Variants in LRRTM4 observed in about 807,000 individuals in gnomAD.
LRRTM4 encodes leucine-rich repeat transmembrane neuronal protein 4.
Under a neutral mutation model 47.6 loss-of-function variants are expected in LRRTM4, and 25 were observed. That is an observed-to-expected ratio of 0.53 (90% confidence interval 0.38 to 0.73). The LOEUF is 0.73. Among genes scored for constraint, LRRTM4 ranks in the 30% least tolerant of loss-of-function variants. LRRTM4 has a pLI of 0.00. For synonymous variants in LRRTM4, 311 were observed against 269.5 expected, an observed-to-expected ratio of 1.15 and a Z score of -1.51; for missense variants, 638 against 713.4, an observed-to-expected ratio of 0.89 and a Z score of 1.20.
intron 3 of LRRTM4, among the ~76,000 whole-genome samples, chr2:77,095,289 T>C (rs1670775839): frequency 1.3e-5 from 2 of 152,132 alleles, no homozygotes; most frequent in South Asian, 2.1e-4. Flanking sequence ...GAGGAACCTC[T>C]GTATCTTCTC....
intron 3 of LRRTM4, among the ~76,000 whole-genome samples, chr2:77,028,540 A>C (rs554023351): frequency 9.2e-5 from 14 of 152,240 alleles, no homozygotes; most frequent in Middle Eastern, 3.4e-3. Flanking sequence ...GGATAGAAGG[A>C]ACTATACTGT....
chr2:77,352,132 T>A (rs1248822547), intron 3 of LRRTM4, among the ~76,000 whole-genome samples: 1 of 152,188 alleles, frequency 6.6e-6, no homozygotes, highest in African/African-American at 2.4e-5. Context: ...ACTTTTCTTT[T>A]CTTCTGCTTA....
intron 3 of LRRTM4, among the ~76,000 whole-genome samples, chr2:77,124,260 G>C (rs1034614655): frequency 1.3e-5 from 2 of 152,090 alleles, no homozygotes; most frequent in Non-Finnish European, 2.9e-5. Context: ...GGAGCAAAGA[G>C]ACTGATAGAA....
At chr2:77,422,575 T>C (rs1208938358) in intron 3 of LRRTM4, among the ~76,000 whole-genome samples, 1 of 152,200 alleles carries the variant, frequency 6.6e-6, no homozygotes, top group South Asian at 2.1e-4. Flanking sequence ...ATTGATATAA[T>C]AAGCAGAAAA....
chr2:76,899,392 T>C (rs1673544292), intron 3 of LRRTM4, among the ~76,000 whole-genome samples: 1 of 151,140 alleles, frequency 6.6e-6, no homozygotes, highest in Admixed American at 6.6e-5. Context: ...AGTGCATAAA[T>C]ACTATTGAGA....
At chr2:76,944,362 C>T (rs1414853509) in intron 3 of LRRTM4, among the ~76,000 whole-genome samples, 1 of 151,974 alleles carries the variant, frequency 6.6e-6, no homozygotes, top group Non-Finnish European at 1.5e-5. Context: ...TTCCCTTATC[C>T]CAGCACCAAA....
intron 3 of LRRTM4, among the ~76,000 whole-genome samples, chr2:77,468,509 T>C (rs1677065929): frequency 6.6e-6 from 1 of 152,218 alleles, no homozygotes; most frequent in African/African-American, 2.4e-5. Context: ...GTACTGGAAA[T>C]CTTCAAATAT....
At chr2:76,793,479 A>C (rs1019513812) in intron 3 of LRRTM4, among the ~76,000 whole-genome samples, 2 of 152,160 alleles carry the variant, frequency 1.3e-5, no homozygotes, top group African/African-American at 4.8e-5. Context: ...ATCTACTTTA[A>C]GATAAGTAGG....
chr2:77,321,803 T>G (rs2104227925), intron 3 of LRRTM4, among the ~76,000 whole-genome samples: 1 of 152,230 alleles, frequency 6.6e-6, no homozygotes, highest in African/African-American at 2.4e-5. Context: ...TTCAAAAATA[T>G]GGCAAGGTAT....
In LRRTM4 at chr2:77,299,278, C is replaced by CACACAA. The variant is rs1553424521; in HGVS notation, c.1551+219039_1551+219040insTTGTGT. On this transcript the variant is annotated intron_variant, in intron 3 of 3. Transcript: ENST00000409884. ...ATATATACACACACACACACACACACACACACACACGTATATGTATATATA... is the reference window on the plus strand; with the variant it reads ...ATATATACACACACACACACACACACACACAAACACACACACGTATATGTATATATA... 7.4e-3 allele frequency among the ~76,000 whole-genome samples: 1,114 copies of CACACAA among 150,196 alleles called. 9 individuals are homozygous for CACACAA. Among genetic ancestry groups the CACACAA allele is most frequent in the South Asian group, 0.013 (60 of 4,750 alleles).
chr2:77,085,165 A>G (rs1017748594), intron 3 of LRRTM4, among the ~76,000 whole-genome samples: 4 of 152,074 alleles, frequency 2.6e-5, no homozygotes, highest in African/African-American at 9.7e-5. Flanking sequence ...TTATGAAGAA[A>G]TATTTTAGGC....
At chr2:77,223,133 A>G (rs1288638090) in intron 3 of LRRTM4, among the ~76,000 whole-genome samples, 2 of 152,220 alleles carry the variant, frequency 1.3e-5, no homozygotes, top group African/African-American at 4.8e-5. Context: ...ATAGATGCAG[A>G]AAAGGCCTTT....
intron 3 of LRRTM4, among the ~76,000 whole-genome samples, chr2:77,319,642 TCA>T (rs1051124814): frequency 1.3e-5 from 2 of 152,194 alleles, no homozygotes; most frequent in Non-Finnish European, 2.9e-5. Context: ...AGTAAATATC[TCA>T]GATTTTCTGG....
chr2:76,841,287 A>G (rs1231260469), intron 3 of LRRTM4, among the ~76,000 whole-genome samples: 8 of 141,392 alleles, frequency 5.7e-5, no homozygotes, highest in East Asian at 2.3e-4. Context: ...GGGTGGGGGG[A>G]GTGGGGAGGG....
chr2:76,918,459 A>T (rs1257444151), intron 3 of LRRTM4, among the ~76,000 whole-genome samples: 1 of 152,196 alleles, frequency 6.6e-6, no homozygotes, highest in African/African-American at 2.4e-5. Flanking sequence ...CACCATTAAG[A>T]TACATTTGTC....
intron 3 of LRRTM4, among the ~76,000 whole-genome samples, chr2:76,976,670 G>A (rs1206902268): frequency 6.6e-6 from 1 of 151,722 alleles, no homozygotes; most frequent in Non-Finnish European, 1.5e-5. Flanking sequence ...GGCATTCAAA[G>A]TAGAATTGTG....
At chr2:76,919,422 C>A (rs1192662374) in intron 3 of LRRTM4, among the ~76,000 whole-genome samples, 1 of 152,104 alleles carries the variant, frequency 6.6e-6, no homozygotes, top group Admixed American at 6.5e-5. Context: ...GTTCATCTTC[C>A]AGGAGGTAGC....
chr2:77,473,752 C>T (rs1202972587), intron 3 of LRRTM4, among the ~76,000 whole-genome samples: 1 of 152,110 alleles, frequency 6.6e-6, no homozygotes, highest in African/African-American at 2.4e-5. Flanking sequence ...TAAGCCAAAA[C>T]ATCTGCCTGA....
chr2:77,041,721 A>G (rs1219414864), intron 3 of LRRTM4, among the ~76,000 whole-genome samples: 2 of 150,918 alleles, frequency 1.3e-5, no homozygotes, highest in Admixed American at 6.6e-5. Flanking sequence ...ATCTATTCAC[A>G]TCTTTTACCC....
Sources: allele counts gnomAD v4.1 joint callset (sites outside exome capture counted in the v4.1 genomes callset), GRCh38; gene constraint gnomAD v4.1.1; transcripts MANE v1.5; gene names NCBI Gene and HGNC (gene_info 2026-07-23, HGNC 2026-07-21).